KATNA1: variants seen among roughly 807,000 people sequenced by gnomAD.
The protein encoded by KATNA1 is katanin catalytic subunit A1.
In KATNA1, 42 loss-of-function variants were observed where a neutral mutation model predicts 62.6. That is an observed-to-expected ratio of 0.67 (90% CI 0.52 to 0.87). The LOEUF (loss-of-function observed/expected upper bound fraction) is 0.87. Ranked by LOEUF, KATNA1 falls within the 40% of genes least tolerant of loss-of-function variation. The pLI, the probability that KATNA1 is intolerant of heterozygous loss-of-function variation, is 0.00. For synonymous variants in KATNA1, 186 were observed against 201.9 expected (o/e 0.92, Z 0.67); for missense variants, 498 against 612.5 (o/e 0.81, Z 1.97).
At chr6:149,617,046 G>A (rs1779192220) in intron 4 of KATNA1, among the ~76,000 whole-genome samples, 1 of 152,164 alleles carries the variant, frequency 6.6e-6, no homozygotes, top group Admixed American at 6.5e-5. Flanking sequence ...AGTAAAACAA[G>A]TAAGTCACAA....
chr6:149,611,462 CAA>C (rs1179618459), intron 4 of KATNA1, among the ~76,000 whole-genome samples: 5 of 34,812 alleles, frequency 1.4e-4, no homozygotes, highest in Admixed American at 2.8e-4. Flanking sequence ...AACTCTGTCT[CAA>C]AAAAAAAAAA....
intron 1 of KATNA1, among the ~76,000 whole-genome samples, chr6:149,643,968 G>A (rs762489101): frequency 2.2e-4 from 33 of 152,032 alleles, no homozygotes; most frequent in Non-Finnish European, 3.8e-4. Flanking sequence ...GATTACAGGC[G>A]TGAGCCACCA....
At chr6:149,597,300 T>A in intron 9 of KATNA1, 111 bp from the exon 10 acceptor site, 1 of 1,290,316 alleles carries the variant, frequency 7.8e-7, no homozygotes, top group Non-Finnish European at 1.1e-6. Flanking sequence ...ATTGGATCTC[T>A]AAGAAGAGAT....
At chr6:149,639,583 A>G (rs1384450736) in intron 1 of KATNA1, among the ~76,000 whole-genome samples, 1 of 152,152 alleles carries the variant, frequency 6.6e-6, no homozygotes, top group Non-Finnish European at 1.5e-5. Context: ...TGGCAACAGC[A>G]TGAGACTCTG....
intron 4 of KATNA1, among the ~76,000 whole-genome samples, chr6:149,622,226 G>A (rs12183882): frequency 1.3e-5 from 2 of 151,530 alleles, no homozygotes; most frequent in Non-Finnish European, 2.9e-5. Context: ...TCCGCCTCTC[G>A]GGTTCACGCC....
chr6:149,616,566 C>T (rs1238247590), intron 4 of KATNA1, among the ~76,000 whole-genome samples: 1 of 152,158 alleles, frequency 6.6e-6, no homozygotes, highest in Admixed American at 6.5e-5. Context: ...TCAAGACCAG[C>T]CTGGCCAACA....
chr6:149,638,345 G>C (rs1216739113), intron 2 of KATNA1, 41 bp downstream of exon 2: 6 of 1,582,472 alleles, frequency 3.8e-6, no homozygotes, highest in Non-Finnish European at 5.2e-6. Context: ...TCTCTTCCGA[G>C]TACTTAAGCC....
chr6:149,645,353 G>A (rs1360042486), intron 1 of KATNA1, among the ~76,000 whole-genome samples: 1 of 151,560 alleles, frequency 6.6e-6, no homozygotes, highest in Non-Finnish European at 1.5e-5. Flanking sequence ...TGAGGCAGGA[G>A]AATGGCATGA....
chr6:149,598,174 C>A, intron 8 of KATNA1, 50 bp downstream of exon 8: 3 of 1,603,418 alleles, frequency 1.9e-6, no homozygotes, highest in Non-Finnish European at 2.6e-6. Context: ...CTGGAGACAC[C>A]ACACCTAACA....
chr6:149,621,653 C>T (rs951756169), intron 4 of KATNA1, among the ~76,000 whole-genome samples: 6 of 151,204 alleles, frequency 4.0e-5, no homozygotes, highest in Admixed American at 6.6e-5. Flanking sequence ...CCAACATGTC[C>T]GGCTAATTTT....
intron 5 of KATNA1, among the ~76,000 whole-genome samples, 158 bp from the exon 6 acceptor site, chr6:149,603,531 A>T (rs73781279): frequency 6.6e-6 from 1 of 152,162 alleles, no homozygotes; most frequent in Admixed American, 6.5e-5. Flanking sequence ...GAGGCCCACC[A>T]TGTCAACCAG....
intron 2 of KATNA1, among the ~76,000 whole-genome samples, chr6:149,634,508 T>A (rs1779994046): frequency 6.6e-6 from 1 of 152,008 alleles, no homozygotes; most frequent in Admixed American, 6.6e-5. Flanking sequence ...TGTCAAACTT[T>A]TATTTTTATG....
At chr6:149,603,142 CT>C in intron 6 of KATNA1, 125 bp downstream of exon 6, 1 of 541,572 alleles carries the variant, frequency 1.8e-6, no homozygotes, top group Middle Eastern at 2.7e-4. Flanking sequence ...CAACATATAC[CT>C]TTTAATTTAA....
chr6:149,627,669 G>T (rs530316401), intron 3 of KATNA1, among the ~76,000 whole-genome samples: 1 of 137,654 alleles, frequency 7.3e-6, no homozygotes, highest in African/African-American at 2.7e-5. Context: ...GTGACAGAGT[G>T]AGACTCTGTC....
Position 149,632,826 on chromosome 6 carries a change from C to G in KATNA1, c.253G>C (p.Ala85Pro). The stretch of plus-strand genomic sequence containing the variant: ...GAAGCTGGAAGGTCATGCTGTGCCG[C>G]TTTCAAGGGAGTGCTGTCCAGTTTA... ...SFKLDSTPLK[A>P]AQHDLPASEG... is the part of the protein sequence containing the mutation. Residue 85 changes from alanine to proline, a missense_variant, in exon 3 of 11, where the codon GCG becomes CCG. By Grantham distance (27) the Ala-to-Pro change is conservative. Around this residue, in one of 3 missense-constraint regions of KATNA1, gnomAD observed 203 missense variants for 198.4 expected, o/e 1.02. Transcript: ENST00000367411. The G allele has an allele frequency of 1.2e-6, 2 of 1,613,962 alleles. No individual in the cohort carries two copies. The highest frequency in any genetic ancestry group is 1.7e-6 in the Non-Finnish European group (2 of 1,179,916).
chr6:149,639,756 A>C (rs1409846667), intron 1 of KATNA1, among the ~76,000 whole-genome samples: 2 of 152,154 alleles, frequency 1.3e-5, no homozygotes, highest in African/African-American at 4.8e-5. Context: ...TCCCTCCTCT[A>C]AAGTCCCCTT....
At position 149,601,810 on chromosome 6, in the gene KATNA1, A is replaced by G. The variant is rs117455559; in HGVS notation, c.730-58T>C. The G allele has an allele frequency of 1.3e-3, 1,828 of 1,363,512 alleles. 30 individuals carry two copies. In the Admixed American group the frequency reaches 0.032, roughly 24 times the overall value. 84.5% of individuals were successfully genotyped at this position (1,363,512 alleles called of 1,614,324 possible). ...TTATCTGCCATTGTTCTAATTCATAAAAGTGTCATTACTAAGTAGCAAATT... is the reference window on the plus strand; with the variant it reads ...TTATCTGCCATTGTTCTAATTCATAGAAGTGTCATTACTAAGTAGCAAATT... On this transcript the variant is annotated intron_variant, in intron 6 of 10. Transcript: ENST00000367411.
At chr6:149,613,206 A>AAAAAAAT (rs1562286929) in intron 4 of KATNA1, among the ~76,000 whole-genome samples, 21 of 142,848 alleles carry the variant, frequency 1.5e-4, no homozygotes, top group African/African-American at 5.3e-4. Flanking sequence ...AAAAAAAAAA[A>AAAAAAAT]AAAAAAAAAA....
intron 4 of KATNA1, among the ~76,000 whole-genome samples, chr6:149,609,292 T>C (rs1778855202): frequency 6.6e-6 from 1 of 151,620 alleles, no homozygotes; most frequent in Non-Finnish European, 1.5e-5. Flanking sequence ...ACCTTGCTTA[T>C]AGGGAAAAAC....
Sources: gnomAD v4.1 joint callset for allele counts (sites outside exome capture counted in the v4.1 genomes callset) on GRCh38, gnomAD v4.1.1 for gene constraint, gnomAD v4.1.1 regional missense constraint, MANE v1.5 for transcripts, NCBI Gene and HGNC (gene_info 2026-07-23, HGNC 2026-07-21) for gene names.